ZBTB25: variants seen among roughly 807,000 people sequenced by gnomAD.
ZBTB25 encodes zinc finger and BTB domain-containing protein 25.
Under a neutral mutation model 34.2 loss-of-function variants are expected in ZBTB25, and 20 were observed. The ratio of observed to expected loss-of-function variants is 0.58; its 90% CI spans 0.41 to 0.85. The LOEUF (loss-of-function observed/expected upper bound fraction) is 0.85. ZBTB25 is among the 40% of genes least tolerant of loss of function. The pLI is 0.00. For synonymous variants in ZBTB25, 175 were observed against 186.4 expected (o/e 0.94, Z 0.50); for missense variants, 437 against 521.8 (o/e 0.84, Z 1.58).
intron 2 of ZBTB25, chr14:64,470,830 G>A (rs1388971313): frequency 6.0e-6 from 1 of 166,936 alleles, no homozygotes; most frequent in Non-Finnish European, 1.5e-5. Context: ...AAATTCCCAA[G>A]TAAATTATCA....
In ZBTB25 at chr14:64,485,822, T is replaced by A; in HGVS notation, c.*1101A>T. ...TTCAACTCATGTAAACCTCTGGTCA[T>A]AAAATCTCAAATTACTTTTTAAGGT... is the stretch of plus-strand genomic sequence containing the variant. On this transcript the variant is annotated 3_prime_UTR_variant, in exon 3 of 3. Transcript: ENST00000608382. 1.0e-6 allele frequency: 1 copy of A among 985,432 alleles called. No individual in the cohort carries two copies. 61.0% of individuals were successfully genotyped at this position (985,432 alleles called of 1,614,324 possible).
rs1006264170 is a variant in ZBTB25 at position 64,483,968 on chromosome 14, A to T, written c.*2955T>A. 16 of 135,918 alleles carry T rather than the reference A, an allele frequency of 1.2e-4. No individual in the cohort carries two copies. The highest frequency in any genetic ancestry group is 4.2e-4 in the African/African-American group (16 of 38,474). 8.4% of individuals were successfully genotyped at this position (135,918 alleles called of 1,614,324 possible). A position where few individuals can be genotyped will look rare whatever the true frequency, so the allele number is the denominator to read the frequency against. On this transcript the variant is annotated 3_prime_UTR_variant, in exon 3 of 3. Coordinates refer to ENST00000608382, the MANE Select transcript of ZBTB25 (RefSeq NM_006977.5). Reference sequence around the variant, plus strand: ...AAAAAAAAAAAAAAAAAAAAAAAAAAGCCTGCAGAATAAATGAAAACAACA... The same window carrying T: ...AAAAAAAAAAAAAAAAAAAAAAAAATGCCTGCAGAATAAATGAAAACAACA...
chr14:64,499,043 A>G (rs2079394682), intron 1 of ZBTB25, among the ~76,000 whole-genome samples: 2 of 152,180 alleles, frequency 1.3e-5, no homozygotes, highest in South Asian at 4.1e-4. Flanking sequence ...ATTATTTCAC[A>G]CTCTACAATT....
chr14:64,497,452 C>T (rs2141050440), intron 1 of ZBTB25, among the ~76,000 whole-genome samples: 1 of 152,230 alleles, frequency 6.6e-6, no homozygotes, highest in Middle Eastern at 3.4e-3. Context: ...TTGAGAATTT[C>T]TGGTGAGAAT....
At chr14:64,477,827 G>C (rs148733777), downstream of ZBTB25, among the ~76,000 whole-genome samples, 1 of 152,154 alleles carries the variant, frequency 6.6e-6, no homozygotes. Flanking sequence ...TTCCTCAAAG[G>C]CCTGCTGGAT....
intron 2 of ZBTB25, among the ~76,000 whole-genome samples, chr14:64,464,216 T>G (rs976300313): frequency 7.1e-6 from 1 of 141,690 alleles, no homozygotes; most frequent in Admixed American, 6.9e-5. Flanking sequence ...ATTTTTTAGA[T>G]TTTTTTGTCT....
In ZBTB25 at chr14:64,503,669, C is replaced by T; in HGVS notation, c.-16G>A. 1.0e-6 allele frequency: 1 copy of T among 955,440 alleles called. No homozygotes were observed. Among genetic ancestry groups the T allele is most frequent in the East Asian group, 1.2e-4 (1 of 8,604 alleles). 59.2% of individuals were successfully genotyped at this position (955,440 alleles called of 1,614,324 possible). A position where few individuals can be genotyped will look rare whatever the true frequency, so the allele number is the denominator to read the frequency against. Reference sequence around the variant, plus strand: ...AGGACCGCGTCGCTTACCCAGATGCCGCCGCGGCGGCAGGCCGACTCCTCC... The same window carrying T: ...AGGACCGCGTCGCTTACCCAGATGCTGCCGCGGCGGCAGGCCGACTCCTCC... On this transcript the variant is annotated 5_prime_UTR_variant, in exon 1 of 3. Coordinates refer to ENST00000608382, the MANE Select transcript of ZBTB25 (RefSeq NM_006977.5).
chr14:64,452,039 T>G (rs1248848333), intron 2 of ZBTB25, among the ~76,000 whole-genome samples: 1 of 152,226 alleles, frequency 6.6e-6, no homozygotes, highest in Non-Finnish European at 1.5e-5. Context: ...GTCACACCTG[T>G]AATCCCAGCA....
intron 2 of ZBTB25, chr14:64,459,704 GA>G: frequency 7.3e-7 from 1 of 1,362,160 alleles, no homozygotes; most frequent in Non-Finnish European, 9.5e-7. Flanking sequence ...GAAGGAACAG[GA>G]AACATTTCAG....
At chr14:64,459,307 T>C (rs1233519208) in intron 2 of ZBTB25, among the ~76,000 whole-genome samples, 1 of 152,150 alleles carries the variant, frequency 6.6e-6, no homozygotes, top group Non-Finnish European at 1.5e-5. Context: ...CTGATAACCA[T>C]GCAAATGACC....
At chr14:64,469,596 A>G (rs1432723228) in intron 2 of ZBTB25, 2 of 1,613,314 alleles carry the variant, frequency 1.2e-6, no homozygotes, top group Admixed American at 3.3e-5. Context: ...TCTCTAGTCA[A>G]GAATGCTATT....
chr14:64,499,013 G>C (rs1156753202), intron 1 of ZBTB25, among the ~76,000 whole-genome samples: 3 of 152,054 alleles, frequency 2.0e-5, no homozygotes, highest in African/African-American at 7.2e-5. Context: ...GAAGAACACG[G>C]GACCAAGGAA....
intron 2 of ZBTB25, chr14:64,462,048 A>G (rs915901254): frequency 6.6e-6 from 1 of 152,210 alleles, no homozygotes; most frequent in Non-Finnish European, 1.5e-5. Flanking sequence ...AATATCGCCA[A>G]CAGCCACATG....
chr14:64,470,500 G>C (rs2078657956), intron 2 of ZBTB25: 1 of 156,818 alleles, frequency 6.4e-6, no homozygotes, highest in African/African-American at 2.5e-5. Context: ...TGAGGCAGGA[G>C]AATTGCTTGA....
chr14:64,486,515 G>A lies in ZBTB25; in HGVS notation c.*408C>T. 1 of 962,606 alleles carries A rather than the reference G, an allele frequency of 1.0e-6. No individual in the cohort carries two copies. The highest frequency in any genetic ancestry group is 1.2e-6 in the Non-Finnish European group (1 of 808,184). The allele number at this position is 962,606 out of a possible 1,614,324, so 59.6% of individuals were successfully genotyped here. Reference sequence around the variant, plus strand: ...AAGAAAATATTTAAAAATAATCCTGGTAGGAGTGAATTCATGTGAAATGTA... The same window carrying A: ...AAGAAAATATTTAAAAATAATCCTGATAGGAGTGAATTCATGTGAAATGTA... On this transcript the variant is annotated 3_prime_UTR_variant, in exon 3 of 3. Coordinates refer to ENST00000608382, the MANE Select transcript of ZBTB25 (RefSeq NM_006977.5).
Position 64,485,186 on chromosome 14 carries a change from C to G in ZBTB25, c.*1737G>C. 7 of 985,430 alleles carry G rather than the reference C, an allele frequency of 7.1e-6. No individual in the cohort carries two copies. Among genetic ancestry groups the G allele is most frequent in the Non-Finnish European group, 7.2e-6 (6 of 829,940 alleles). The allele number at this position is 985,430 out of a possible 1,614,324, so 61.0% of individuals were successfully genotyped here. A position where few individuals can be genotyped will look rare whatever the true frequency, so the allele number is the denominator to read the frequency against. ...AAAACCTTTGTGTCCTTAGAATTAG[C>G]TGGATTACTCTTTGAGCTCCCTCCT... On this transcript the variant is annotated 3_prime_UTR_variant, in exon 3 of 3. Coordinates refer to ENST00000608382, the MANE Select transcript of ZBTB25 (RefSeq NM_006977.5).
Position 64,480,400 on chromosome 14 carries a change from C to A in ZBTB25, c.*6523G>T. ...AATGACGAAATACTACCTTTCTTTC[C>A]AGAGACAGCAGTTGGAAAGCATTTG... On this transcript the variant is annotated 3_prime_UTR_variant, in exon 3 of 3. Transcript: ENST00000608382. The A allele has an allele frequency of 2.6e-6, 1 of 383,998 alleles. No individual in the cohort carries two copies. Among genetic ancestry groups the A allele is most frequent in the South Asian group, 2.0e-5 (1 of 50,836 alleles). 23.8% of individuals were successfully genotyped at this position (383,998 alleles called of 1,614,324 possible).
At chr14:64,474,873 C>T (rs10145013), downstream of ZBTB25, among the ~76,000 whole-genome samples, 36,648 of 152,032 alleles carry the variant, frequency 0.24, 5,156 homozygotes, top group East Asian at 0.41. Context: ...ATTATTCAGA[C>T]GGTACATACT....
rs138944451 is a variant in ZBTB25 at position 64,497,256 on chromosome 14, T to G, written c.-8+6405A>C. 6.9e-4 allele frequency among the ~76,000 whole-genome samples: 105 copies of G among 152,348 alleles called. 1 individual carries two copies. Among genetic ancestry groups the G allele is most frequent in the African/African-American group, 2.5e-3 (102 of 41,586 alleles). ...GATGTTGTAATATACCAGATTTTAC[T>G]TCAAATCAATAGCCCCATTCCATTG... is the stretch of plus-strand genomic sequence containing the variant. On this transcript the variant is annotated intron_variant, in intron 1 of 2. Coordinates refer to ENST00000608382, the MANE Select transcript of ZBTB25 (RefSeq NM_006977.5).
Sources: allele counts gnomAD v4.1 joint callset (sites outside exome capture counted in the v4.1 genomes callset), GRCh38; gene constraint gnomAD v4.1.1; transcripts MANE v1.5; gene names NCBI Gene and HGNC (gene_info 2026-07-23, HGNC 2026-07-21).